BTBD1: variants seen among roughly 807,000 people sequenced by gnomAD.
BTBD1 encodes the protein BTB domain containing 1, also known as BTB/POZ domain-containing protein 1.
In BTBD1, 34 loss-of-function variants were observed where a neutral mutation model predicts 48.0. That is an observed-to-expected ratio of 0.71 (90% CI 0.54 to 0.94). The LOEUF (loss-of-function observed/expected upper bound fraction) is 0.94. Ranked by LOEUF, BTBD1 falls within the 40% of genes least tolerant of loss-of-function variation. The pLI is 0.00. For synonymous variants in BTBD1, 261 were observed against 242.1 expected, an observed-to-expected ratio of 1.08 and a Z score of -0.72; for missense variants, 543 against 625.6, an observed-to-expected ratio of 0.87 and a Z score of 1.41.
chr15:83,034,144 T>G (rs2032581045), intron 4 of BTBD1, among the ~76,000 whole-genome samples: 1 of 149,078 alleles, frequency 6.7e-6, no homozygotes, highest in Non-Finnish European at 1.5e-5. Flanking sequence ...CTATTAATCA[T>G]ATTAAATATA....
intron 5 of BTBD1, among the ~76,000 whole-genome samples, chr15:83,021,326 G>A (rs2032290529): frequency 6.6e-6 from 1 of 152,226 alleles, no homozygotes; most frequent in Admixed American, 6.5e-5. Context: ...AATACTGGTA[G>A]CAGAGGGATG....
chr15:83,049,327 G>A (rs1467626561), intron 3 of BTBD1, among the ~76,000 whole-genome samples: 1 of 152,160 alleles, frequency 6.6e-6, no homozygotes, highest in East Asian at 1.9e-4. Flanking sequence ...GAAGATACAG[G>A]AGAACATGTA....
chr15:83,023,515 G>C (rs2032341589), intron 5 of BTBD1, among the ~76,000 whole-genome samples: 1 of 152,064 alleles, frequency 6.6e-6, no homozygotes, highest in South Asian at 2.1e-4. Flanking sequence ...GAGTATCTGG[G>C]ACCACAGGTG....
intron 1 of BTBD1, among the ~76,000 whole-genome samples, chr15:83,057,242 C>T (rs935462455): frequency 1.1e-4 from 16 of 152,158 alleles, no homozygotes; most frequent in Non-Finnish European, 2.1e-4. Flanking sequence ...GGGCTTCTGA[C>T]TGTTTTCAGT....
intron 3 of BTBD1, among the ~76,000 whole-genome samples, chr15:83,048,383 A>G (rs1301348039): frequency 6.6e-6 from 1 of 152,206 alleles, no homozygotes; most frequent in Non-Finnish European, 1.5e-5. Flanking sequence ...ATGAGTTTGT[A>G]GCCCAGAAGA....
chr15:83,029,406 G>A (rs1396469373), intron 5 of BTBD1: 2 of 152,042 alleles, frequency 1.3e-5, no homozygotes, highest in Non-Finnish European at 2.9e-5. Context: ...TTTTTCTCAA[G>A]GCTTTTATAA....
chr15:83,059,772 T>C (rs2033147785), intron 1 of BTBD1, among the ~76,000 whole-genome samples: 3 of 152,152 alleles, frequency 2.0e-5, no homozygotes, highest in Non-Finnish European at 2.9e-5. Context: ...CTTTATGTTT[T>C]TGTAGAGACA....
intron 3 of BTBD1, among the ~76,000 whole-genome samples, chr15:83,043,388 A>AG (rs769940607): frequency 6.6e-6 from 1 of 152,048 alleles, no homozygotes; most frequent in African/African-American, 2.4e-5. Context: ...CTGTGGGGAG[A>AG]GGGGGCAATC....
At position 83,050,080 on chromosome 15, in the gene BTBD1, A is replaced by T; in HGVS notation, c.657T>A (p.Ile219=). 6.2e-7 allele frequency: 1 copy of T among 1,600,500 alleles called. No homozygotes were observed. Among genetic ancestry groups the T allele is most frequent in the Non-Finnish European group, 8.6e-7 (1 of 1,168,640 alleles). The stretch of plus-strand genomic sequence containing the variant: ...ACTTCATAGCGAACTTACCTATATC[A>T]ATATCAGTAAACCCTTCTGCACTTA... ...DAISAEGFTD[I]DIDTLCAVLE... The change falls in exon 3 of 8, where the codon ATT becomes ATA. Residue 219 remains isoleucine (I), a synonymous_variant. Coordinates refer to ENST00000261721, the MANE Select transcript of BTBD1 (RefSeq NM_025238.4).
intron 4 of BTBD1, among the ~76,000 whole-genome samples, chr15:83,040,818 G>T (rs1242339657): frequency 6.6e-6 from 1 of 151,914 alleles, no homozygotes; most frequent in African/African-American, 2.4e-5. Flanking sequence ...GTCAGAAGTG[G>T]TCATGGAGAC....
At chr15:83,061,387 C>T (rs1035818905) in intron 1 of BTBD1, 3 of 152,170 alleles carry the variant, frequency 2.0e-5, no homozygotes, top group African/African-American at 7.2e-5. Flanking sequence ...AAAGTAATGT[C>T]CTAATAACAG....
Position 83,020,561 on chromosome 15 carries a change from G to T in BTBD1, c.1143+114C>A. 10 of 694,892 alleles carry T rather than the reference G, an allele frequency of 1.4e-5. No individual in the cohort carries two copies. In the South Asian group the frequency reaches 1.8e-4, roughly 12 times the overall value. 43.0% of individuals were successfully genotyped at this position (694,892 alleles called of 1,614,324 possible). On this transcript the variant is annotated intron_variant, in intron 6 of 7. Transcript: ENST00000261721. ...TTTATGCTTACAATGCTACTAAGGG[G>T]CCTTCTGATTGCTTTGACAATTATA...
At chr15:83,039,780 A>C (rs80165056) in intron 4 of BTBD1, among the ~76,000 whole-genome samples, 1 of 148,700 alleles carries the variant, frequency 6.7e-6, no homozygotes, top group Admixed American at 6.8e-5. Context: ...TCTGTCTCAA[A>C]AAAAAAAAAA....
At chr15:83,048,970 A>C (rs1452789364) in intron 3 of BTBD1, among the ~76,000 whole-genome samples, 14 of 151,930 alleles carry the variant, frequency 9.2e-5, no homozygotes, top group Non-Finnish European at 1.5e-5. Flanking sequence ...TTTGAGGAGG[A>C]CCTCCCACAC....
chr15:83,062,532 C>A (rs1295930375), intron 1 of BTBD1, among the ~76,000 whole-genome samples: 1 of 152,114 alleles, frequency 6.6e-6, no homozygotes, highest in Non-Finnish European at 1.5e-5. Flanking sequence ...AAGAAGTATG[C>A]CTGTCTCAAA....
chr15:83,065,997 A>G (rs1034018886), intron 1 of BTBD1, among the ~76,000 whole-genome samples: 36 of 152,122 alleles, frequency 2.4e-4, no homozygotes, highest in African/African-American at 8.4e-4. Flanking sequence ...AACAAAAACA[A>G]AAACAAAAAA....
intron 5 of BTBD1, chr15:83,029,863 T>C: frequency 2.6e-6 from 1 of 387,886 alleles, no homozygotes; most frequent in Non-Finnish European, 4.7e-6. Flanking sequence ...AGCGACTCCA[T>C]CTTGGGGAAA....
chr15:83,041,632 C>T (rs549241176), intron 4 of BTBD1, 96 bp downstream of exon 4: 3 of 1,162,594 alleles, frequency 2.6e-6, no homozygotes, highest in African/African-American at 3.0e-5. Flanking sequence ...CTTGGCCTCT[C>T]GAAAGTGCTG....
intron 5 of BTBD1, among the ~76,000 whole-genome samples, chr15:83,026,969 CGTGTGTGTGT>C (rs71156067): frequency 2.0e-5 from 3 of 150,162 alleles, no homozygotes; most frequent in South Asian, 2.1e-4. Flanking sequence ...AGGGGAAATA[CGTGTGTGTGT>C]GTGTGTGTGT....
Sources: allele counts gnomAD v4.1 joint callset (sites outside exome capture counted in the v4.1 genomes callset), GRCh38; gene constraint gnomAD v4.1.1; transcripts MANE v1.5; gene names NCBI Gene and HGNC (gene_info 2026-07-23, HGNC 2026-07-21).